Variants in ZIM2 observed in about 807,000 individuals in gnomAD.
The protein encoded by ZIM2 is zinc finger protein 656.
ZIM2 carries 14 observed loss-of-function variants against 38.6 expected under a neutral mutation model. The observed-to-expected ratio is 0.36, with a 90% CI of 0.24 to 0.57. The LOEUF (loss-of-function observed/expected upper bound fraction) is 0.57. Ranked by LOEUF, ZIM2 falls within the 20% of genes least tolerant of loss-of-function variation. The probability of loss-of-function intolerance (pLI) is 0.81; values close to 1 mark genes in which losing one functional copy is unlikely to be tolerated. For missense variants in ZIM2, 680 were observed against 695.1 expected (o/e 0.98, Z 0.24); for synonymous variants, 247 against 245.8 (o/e 1.00, Z -0.04).
chr19:56,834,848 T>C (rs764900934), intron 2 of ZIM2, among the ~76,000 whole-genome samples: 3 of 152,186 alleles, frequency 2.0e-5, no homozygotes, highest in Admixed American at 6.5e-5. Context: ...TTCCATTCAG[T>C]AGACACTGAG....
intron 2 of ZIM2, among the ~76,000 whole-genome samples, chr19:56,831,677 C>T (rs970572867): frequency 1.3e-5 from 2 of 152,298 alleles, no homozygotes. Context: ...GTTACATAAC[C>T]ATTAAGTCGT....
At chr19:56,792,455 C>T (rs1218470206) in intron 9 of ZIM2, among the ~76,000 whole-genome samples, 7 of 139,542 alleles carry the variant, frequency 5.0e-5, no homozygotes, top group East Asian at 2.2e-4. Context: ...TGCTTGAACC[C>T]GGGAGGTGGA....
intron 9 of ZIM2, chr19:56,815,162 T>C (rs752170934): frequency 3.4e-5 from 55 of 1,614,040 alleles, no homozygotes; most frequent in Non-Finnish European, 4.6e-5. Context: ...GGGTCTTCCA[T>C]GTCTGAGCCT....
chr19:56,817,121 C>G, intron 9 of ZIM2: 1 of 1,614,122 alleles, frequency 6.2e-7, no homozygotes, highest in South Asian at 1.1e-5. Context: ...GGCTGTGACT[C>G]GGTAAAGGAG....
At chr19:56,791,574 A>G (rs1165158444) in intron 9 of ZIM2, among the ~76,000 whole-genome samples, 1 of 152,146 alleles carries the variant, frequency 6.6e-6, no homozygotes, top group Non-Finnish European at 1.5e-5. Flanking sequence ...CTGTGAATGT[A>G]CTATCCAACC....
At chr19:56,794,324 A>G (rs1177303772) in intron 9 of ZIM2, among the ~76,000 whole-genome samples, 2 of 152,248 alleles carry the variant, frequency 1.3e-5, no homozygotes, top group Non-Finnish European at 2.9e-5. Context: ...AATCACAGAA[A>G]TAAAACATAC....
intron 6 of ZIM2, 104 bp from the exon 7 acceptor site, chr19:56,821,858 A>G (rs2060521996): frequency 8.2e-7 from 1 of 1,226,588 alleles, no homozygotes; most frequent in Non-Finnish European, 1.2e-6. Context: ...TGAGTGTATG[A>G]GAGCAAGTGC....
intron 10 of ZIM2, among the ~76,000 whole-genome samples, chr19:56,788,794 T>C (rs761603820): frequency 6.6e-6 from 1 of 152,108 alleles, no homozygotes; most frequent in Non-Finnish European, 1.5e-5. Context: ...CAATCAAACG[T>C]AGGTTTTGGT....
At chr19:56,812,977 A>T (rs2146107902) in intron 9 of ZIM2, 1 of 985,852 alleles carries the variant, frequency 1.0e-6, no homozygotes, top group South Asian at 4.7e-5. Context: ...GTTGGCGCAG[A>T]TGAAATGGCT....
rs117944044 is a variant in ZIM2, at chr19:56,836,454, G to A, written c.-313-350C>T. ...CCCATGTTAGGACCGCTATCCTATC[G>A]TTATTATTAGGTAATAGTACCCTTT... On this transcript the variant is annotated intron_variant, in intron 1 of 12. Coordinates refer to ENST00000629319, the MANE Select transcript of ZIM2 (RefSeq NM_001387356.1). Among the ~76,000 whole-genome samples the A allele has an allele frequency of 9.1e-3, 1,383 of 152,232 alleles. 12 individuals are homozygous for A. The highest frequency in any genetic ancestry group is 0.021 in the Middle Eastern group (6 of 292).
chr19:56,832,131 A>G lies in ZIM2; in HGVS notation c.-227+3887T>C, dbSNP rs180744621. On this transcript the variant is annotated intron_variant, in intron 2 of 12. Coordinates refer to ENST00000629319, the MANE Select transcript of ZIM2 (RefSeq NM_001387356.1). ...ATAACAAGTCTCTGTTTCTTTTTCC[A>G]TCTCTATTTAAAATGTTATTTTAAC... Among the ~76,000 whole-genome samples, 155 of 152,330 alleles carry G rather than the reference A, an allele frequency of 1.0e-3. 1 individual carries two copies. Among genetic ancestry groups the G allele is most frequent in the African/African-American group, 3.6e-3 (148 of 41,562 alleles).
At chr19:56,799,475 C>G (rs560548202) in intron 9 of ZIM2, 1 of 152,090 alleles carries the variant, frequency 6.6e-6, no homozygotes, top group Non-Finnish European at 1.5e-5. Context: ...GGGAGAGCAT[C>G]GGGAAGAATA....
rs1295444322 is a variant in ZIM2 at position 56,818,684 on chromosome 19, T to G, written c.313A>C (p.Asn105His). 7 of 1,613,994 alleles carry G rather than the reference T, an allele frequency of 4.3e-6. No individual in the cohort carries two copies. Among genetic ancestry groups the G allele is most frequent in the African/African-American group, 1.3e-5 (1 of 74,912 alleles). ...CTGTCCTCAGCGAGGTCCACCACAT[T>G]TTGGTATGATTCAGCATCCTAAAAC... The part of the protein sequence containing the change: ...SRSQDAESYQ[N>H]VVDLAEDRKP... The change falls in exon 8 of 13, where the codon AAT (asparagine) becomes CAT (histidine). Residue 105 changes from asparagine (N) to histidine (H), a missense_variant. Coordinates refer to ENST00000629319, the MANE Select transcript of ZIM2 (RefSeq NM_001387356.1).
Position 56,817,649 on chromosome 19 carries a change from C to T in ZIM2, c.490+97G>A, listed in dbSNP as rs1215017415. 3.3e-6 allele frequency: 5 copies of T among 1,508,560 alleles called. No homozygotes were observed. In the East Asian group the frequency reaches 6.8e-5, roughly 20 times the overall value. The allele number at this position is 1,508,560 out of a possible 1,614,324, so 93.4% of individuals were successfully genotyped here. On this transcript the variant is annotated intron_variant, in intron 9 of 12. Coordinates refer to ENST00000629319, the MANE Select transcript of ZIM2 (RefSeq NM_001387356.1). ...AAGGACAGTGGGACTTGGAGGGGTG[C>T]ACCCTTCTGTGATGTTTAGGAATGC...
In ZIM2 at chr19:56,787,132, G is replaced by A. The variant is rs141544817; in HGVS notation, c.570+2740C>T. ...GTTACAGGTATGAGCCACTGCACCC[G>A]GTCTGTACTGTTATTTAATTTCATT... is the stretch of plus-strand genomic sequence containing the variant. On this transcript the variant is annotated intron_variant, in intron 10 of 12. Coordinates refer to ENST00000629319, the MANE Select transcript of ZIM2 (RefSeq NM_001387356.1). Among the ~76,000 whole-genome samples the A allele has an allele frequency of 6.7e-3, 1,016 of 152,162 alleles. 10 individuals carry two copies. Among genetic ancestry groups the A allele is most frequent in the African/African-American group, 0.023 (961 of 41,532 alleles).
chr19:56,818,197 C>A lies in ZIM2; in HGVS notation c.398-359G>T, dbSNP rs541387051. 1.8e-3 allele frequency among the ~76,000 whole-genome samples: 267 copies of A among 152,298 alleles called. 2 individuals are homozygous for A. The highest frequency in any genetic ancestry group is 6.1e-3 in the African/African-American group (253 of 41,558). On this transcript the variant is annotated intron_variant, in intron 8 of 12. Coordinates refer to ENST00000629319, the MANE Select transcript of ZIM2 (RefSeq NM_001387356.1). ...TCTTCCTCCACCCACTCCCTTGAGG[C>A]CCCATGGCCTTACAGACCTGCAGCA...
chr19:56,819,091 T>C (rs2060240851), intron 7 of ZIM2, among the ~76,000 whole-genome samples: 1 of 152,056 alleles, frequency 6.6e-6, no homozygotes, highest in African/African-American at 2.4e-5. Flanking sequence ...GGAGGGCAGG[T>C]GGGGCCTTAA....
chr19:56,808,922 ACT>A (rs1208020374), intron 9 of ZIM2, among the ~76,000 whole-genome samples: 1 of 152,010 alleles, frequency 6.6e-6, no homozygotes, highest in African/African-American at 2.4e-5. Context: ...GGTAGCCCTC[ACT>A]CTGAGTCTGA....
intron 9 of ZIM2, 63 bp downstream of exon 9, chr19:56,817,683 G>C (rs1296434556): frequency 1.6e-5 from 24 of 1,548,144 alleles, no homozygotes; most frequent in East Asian, 2.2e-5. Context: ...GCAAAGTGTA[G>C]AAGTTCCTTG....
Sources: allele counts gnomAD v4.1 joint callset (sites outside exome capture counted in the v4.1 genomes callset), GRCh38; gene constraint gnomAD v4.1.1; transcripts MANE v1.5; gene names NCBI Gene and HGNC (gene_info 2026-07-23, HGNC 2026-07-21).